Variants in HCN4 observed in about 807,000 individuals in gnomAD.
The protein encoded by HCN4 is potassium/sodium hyperpolarization-activated cyclic nucleotide-gated channel 4.
HCN4 carries 29 observed loss-of-function variants against 76.9 expected under a neutral mutation model. The observed-to-expected ratio is 0.38, with a 90% CI of 0.28 to 0.51. The LOEUF is 0.51. Ranked by LOEUF, HCN4 falls within the 20% of genes least tolerant of loss-of-function variation. The probability of loss-of-function intolerance (pLI) is 0.90; values close to 1 mark genes in which losing one functional copy is unlikely to be tolerated. For missense variants in HCN4, 1,416 were observed against 1,715.2 expected (o/e 0.83, Z 3.08); for synonymous variants, 772 against 762.5 (o/e 1.01, Z -0.21).
chr15:73,334,577 C>A (rs560962506), intron 2 of HCN4, among the ~76,000 whole-genome samples: 3 of 152,106 alleles, frequency 2.0e-5, no homozygotes, highest in East Asian at 3.9e-4. Flanking sequence ...CTCACCCAAC[C>A]CCCTGGTGTC....
At chr15:73,340,552 C>CCTCA (rs2042995132) in intron 2 of HCN4, among the ~76,000 whole-genome samples, 1 of 152,172 alleles carries the variant, frequency 6.6e-6, no homozygotes, top group Non-Finnish European at 1.5e-5. Flanking sequence ...CTTCACAGCC[C>CCTCA]CTCAGAGTGG....
rs769042435 is a variant in HCN4 at position 73,323,456 on chromosome 15, G to A, written c.2637C>T (p.Ser879=). 8 of 1,608,642 alleles carry A rather than the reference G, an allele frequency of 5.0e-6. No individual in the cohort carries two copies. Among genetic ancestry groups the A allele is most frequent in the Non-Finnish European group, 6.8e-6 (8 of 1,179,622 alleles). ...CACAGGCCCCGGGGGGTGGGGAGGA[G>A]CTGGATGAGGGCAGGAGTGGGCTCA... ...AGLSPLLPSS[S]SSPPPGACGS... is the part of the protein sequence containing the mutation. The change falls in exon 8 of 8, where the codon AGC becomes AGT. Residue 879 remains serine (S), a synonymous_variant. Coordinates refer to ENST00000261917, the MANE Select transcript of HCN4 (RefSeq NM_005477.3).
intron 1 of HCN4, among the ~76,000 whole-genome samples, chr15:73,347,302 G>A (rs1595830560): frequency 6.6e-6 from 1 of 152,140 alleles, no homozygotes; most frequent in African/African-American, 2.4e-5. Flanking sequence ...AGAAGTCTCT[G>A]GGACTCCAGA....
At chr15:73,362,477 A>C (rs574931846) in intron 1 of HCN4, among the ~76,000 whole-genome samples, 2 of 152,370 alleles carry the variant, frequency 1.3e-5, no homozygotes, top group South Asian at 2.1e-4. Flanking sequence ...ACTGAATCAG[A>C]ATCTGTATTG....
chr15:73,351,340 T>C (rs932698360), intron 1 of HCN4, among the ~76,000 whole-genome samples: 1 of 152,152 alleles, frequency 6.6e-6, no homozygotes, highest in Non-Finnish European at 1.5e-5. Context: ...TTGTAAACCA[T>C]ACCCCTCTCT....
At position 73,325,395 on chromosome 15, in the gene HCN4, G is replaced by T; in HGVS notation, c.1640C>A (p.Thr547Asn). 6.2e-7 allele frequency: 1 copy of T among 1,614,158 alleles called. No homozygotes were observed. The change falls in exon 5 of 8, where the codon ACC (threonine) becomes AAC (asparagine). Residue 547 changes from threonine (T) to asparagine (N), a missense_variant. Around this residue, in one of 6 missense-constraint regions of HCN4, gnomAD observed 241 missense variants for 379.4 expected, o/e 0.64. Transcript: ENST00000261917. The surrounding 1 kb of genome is among the most constrained non-coding windows in gnomAD (Gnocchi z 7.4). ...YMSFHKLPPD[T>N]RQRIHDYYEH... ...GTAGTAGTCGTGGATGCGCTGCCGGGTGTCGGGCGGGAGCTTGTGAAAGGA... is the reference window on the plus strand; with the variant it reads ...GTAGTAGTCGTGGATGCGCTGCCGGTTGTCGGGCGGGAGCTTGTGAAAGGA...
rs1431305668 is a variant in HCN4, at chr15:73,326,788, TA to T, written c.1591-1345del. On this transcript the variant is annotated intron_variant, in intron 4 of 7. Coordinates refer to ENST00000261917, the MANE Select transcript of HCN4 (RefSeq NM_005477.3). ...TTTTCTTTTTATTTATTTATTTATT[TA>T]TTTATTTTTTTTGTTAAGACAGGGT... Among the ~76,000 whole-genome samples, 91 of 150,208 alleles carry T rather than the reference TA, an allele frequency of 6.1e-4. 4 individuals are homozygous for T. The highest frequency in any genetic ancestry group is 3.4e-3 in the Middle Eastern group (1 of 292).
Position 73,320,815 on chromosome 15 carries a change from C to G in HCN4, c.*1666G>C, listed in dbSNP as rs755982526. The G allele has an allele frequency of 1.3e-5, 2 of 152,370 alleles. No individual in the cohort carries two copies. Among genetic ancestry groups the G allele is most frequent in the Non-Finnish European group, 2.9e-5 (2 of 68,138 alleles). The allele number at this position is 152,370 out of a possible 1,614,324, so 9.4% of individuals were successfully genotyped here. On this transcript the variant is annotated 3_prime_UTR_variant, in exon 8 of 8. Coordinates refer to ENST00000261917, the MANE Select transcript of HCN4 (RefSeq NM_005477.3). Reference sequence around the variant, plus strand: ...CCATCCCACCCACCATTCCCTCCCTCTCTCCCTGTTGAAGTCTTCCCACTT... The same window carrying G: ...CCATCCCACCCACCATTCCCTCCCTGTCTCCCTGTTGAAGTCTTCCCACTT...
intron 4 of HCN4, 59 bp downstream of exon 4, chr15:73,329,514 G>T: frequency 6.5e-7 from 1 of 1,541,500 alleles, no homozygotes; most frequent in Non-Finnish European, 8.9e-7. Context: ...CCACTGGCTG[G>T]TGGCCTGTGC....
chr15:73,363,967 G>A (rs1279732908), intron 1 of HCN4, among the ~76,000 whole-genome samples: 1 of 152,098 alleles, frequency 6.6e-6, no homozygotes, highest in Non-Finnish European at 1.5e-5. Flanking sequence ...GGCAGTGACG[G>A]GGTGCCAGTG....
In HCN4 at chr15:73,322,298, A is replaced by T. The variant is rs2042863874; in HGVS notation, c.*183T>A. On this transcript the variant is annotated 3_prime_UTR_variant, in exon 8 of 8. Coordinates refer to ENST00000261917, the MANE Select transcript of HCN4 (RefSeq NM_005477.3). ...GAGTATTAAAATAGTCTATAAAAGC[A>T]AGTGACCAAAAATCTATAGCTCTAA... is the stretch of plus-strand genomic sequence containing the variant. The T allele has an allele frequency of 1.6e-6, 1 of 612,360 alleles. No homozygotes were observed. The highest frequency in any genetic ancestry group is 1.9e-5 in the African/African-American group (1 of 53,704). 37.9% of individuals were successfully genotyped at this position (612,360 alleles called of 1,614,324 possible).
intron 4 of HCN4, among the ~76,000 whole-genome samples, chr15:73,327,413 A>C (rs1435790293): frequency 6.6e-6 from 1 of 151,990 alleles, no homozygotes; most frequent in Non-Finnish European, 1.5e-5. Flanking sequence ...GCCCGGCCCC[A>C]GATGCTTTTT....
intron 1 of HCN4, among the ~76,000 whole-genome samples, chr15:73,349,088 C>A (rs1309735845): frequency 6.7e-6 from 1 of 150,220 alleles, no homozygotes; most frequent in Non-Finnish European, 1.5e-5. Context: ...CTAGCTGCTT[C>A]CATGATGGCT....
At chr15:73,346,210 G>A (rs1182029551) in intron 1 of HCN4, among the ~76,000 whole-genome samples, 1 of 152,084 alleles carries the variant, frequency 6.6e-6, no homozygotes, top group East Asian at 1.9e-4. Flanking sequence ...ATAATATGGT[G>A]GGAGGAGGGA....
rs76674624 is a variant in HCN4, at chr15:73,348,119, G to C, written c.786-4311C>G. 2.5e-3 allele frequency among the ~76,000 whole-genome samples: 374 copies of C among 152,348 alleles called. 2 individuals carry two copies. Among genetic ancestry groups the C allele is most frequent in the African/African-American group, 8.3e-3 (345 of 41,588 alleles). Reference sequence around the variant, plus strand: ...ATCTGGAAATTTCATGTTTTGGTGTGAGAGGAAGTTCATAGCCTCAAGGGA... The same window carrying C: ...ATCTGGAAATTTCATGTTTTGGTGTCAGAGGAAGTTCATAGCCTCAAGGGA... On this transcript the variant is annotated intron_variant, in intron 1 of 7. Coordinates refer to ENST00000261917, the MANE Select transcript of HCN4 (RefSeq NM_005477.3).
Position 73,322,332 on chromosome 15 carries a change from G to C in HCN4, c.*149C>G. 1 of 755,152 alleles carries C rather than the reference G, an allele frequency of 1.3e-6. No individual in the cohort carries two copies. The highest frequency in any genetic ancestry group is 3.7e-4 in the Middle Eastern group (1 of 2,738). The allele number at this position is 755,152 out of a possible 1,614,324, so 46.8% of individuals were successfully genotyped here. A position where few individuals can be genotyped will look rare whatever the true frequency, so the allele number is the denominator to read the frequency against. Reference sequence around the variant, plus strand: ...AAAATCTATAGCTCTAAGAATACCTGGTTATTTTCTGCTGTCTTTTGTTTT... The same window carrying C: ...AAAATCTATAGCTCTAAGAATACCTCGTTATTTTCTGCTGTCTTTTGTTTT... On this transcript the variant is annotated 3_prime_UTR_variant, in exon 8 of 8. Transcript: ENST00000261917.
chr15:73,361,172 T>C (rs2043103185), intron 1 of HCN4, among the ~76,000 whole-genome samples: 1 of 152,240 alleles, frequency 6.6e-6, no homozygotes, highest in African/African-American at 2.4e-5. Flanking sequence ...GGGATGCTGC[T>C]TGGCAACCTC....
chr15:73,350,104 T>A (rs2043047694), intron 1 of HCN4, among the ~76,000 whole-genome samples: 1 of 152,178 alleles, frequency 6.6e-6, no homozygotes, highest in South Asian at 2.1e-4. Flanking sequence ...TGCCGGCTCT[T>A]CTATTCAGTT....
Position 73,323,051 on chromosome 15 carries a change from A to G in HCN4, c.3042T>C (p.Ala1014=), listed in dbSNP as rs1329424405. The part of the protein sequence containing the change: ...PSLVAGASGG[A]SPVGFTPRGG... ...CTCGGGGAGTAAAGCCTACAGGGGAAGCCCCCCCAGAGGCCCCTGCCACAA... is the reference window on the plus strand; with the variant it reads ...CTCGGGGAGTAAAGCCTACAGGGGAGGCCCCCCCAGAGGCCCCTGCCACAA... The change falls in exon 8 of 8, where the codon GCT becomes GCC. Residue 1014 remains alanine (A), a synonymous_variant. Transcript: ENST00000261917. 1.3e-6 allele frequency: 2 copies of G among 1,525,034 alleles called. No homozygotes were observed. The highest frequency in any genetic ancestry group is 4.4e-5 in the Admixed American group (2 of 45,962). 94.5% of individuals were successfully genotyped at this position (1,525,034 alleles called of 1,614,324 possible).
Sources: gnomAD v4.1 joint callset for allele counts (sites outside exome capture counted in the v4.1 genomes callset) on GRCh38, gnomAD v4.1.1 for gene constraint, gnomAD v4.1.1 regional missense constraint, Gnocchi (gnomAD v3.1) non-coding constraint, MANE v1.5 for transcripts, NCBI Gene and HGNC (gene_info 2026-07-23, HGNC 2026-07-21) for gene names.